The following DLGAP4 variants were observed in gnomAD, a reference collection of about 807,000 sequenced individuals.
DLGAP4 encodes the protein DLG associated protein 4, also known as disks large-associated protein 4.
A neutral mutation model predicts 86.9 loss-of-function variants in DLGAP4; 18 were observed. The ratio of observed to expected loss-of-function variants is 0.21; its 90% CI spans 0.14 to 0.31. DLGAP4 has a LOEUF of 0.31. DLGAP4 is among the 10% of genes least tolerant of loss of function. The pLI is 1.00. For synonymous variants in DLGAP4, 548 were observed against 574.3 expected (o/e 0.95, Z 0.65); for missense variants, 1,085 against 1,362.6 (o/e 0.80, Z 3.21).
At chr20:36,449,199 T>C (rs2033672594) in intron 7 of DLGAP4, among the ~76,000 whole-genome samples, 1 of 152,154 alleles carries the variant, frequency 6.6e-6, no homozygotes, top group Non-Finnish European at 1.5e-5. Context: ...TTCACCTCAC[T>C]GTTTCTTATT....
chr20:36,411,876 C>T (rs765416744), intron 2 of DLGAP4, among the ~76,000 whole-genome samples: 11 of 152,180 alleles, frequency 7.2e-5, no homozygotes, highest in African/African-American at 2.7e-4. Flanking sequence ...TTCCCTGTAC[C>T]TTTGTCTGTG....
intron 1 of DLGAP4, among the ~76,000 whole-genome samples, chr20:36,321,315 C>T (rs1425051744): frequency 2.6e-5 from 4 of 152,214 alleles, no homozygotes; most frequent in African/African-American, 9.6e-5. Flanking sequence ...GAATAGGGAG[C>T]AAGAAGACGG....
intron 7 of DLGAP4, among the ~76,000 whole-genome samples, chr20:36,488,766 C>A (rs112377495): frequency 6.6e-6 from 1 of 151,980 alleles, no homozygotes; most frequent in Middle Eastern, 3.2e-3. Context: ...TCAGTAGAGA[C>A]GGGGTTTTGC....
intron 7 of DLGAP4, among the ~76,000 whole-genome samples, chr20:36,468,552 C>T (rs1203737246): frequency 6.6e-6 from 1 of 152,266 alleles, no homozygotes; most frequent in Non-Finnish European, 1.5e-5. Context: ...GTGCAGCCCA[C>T]ACTCCTCTGA....
At chr20:36,324,627 A>G (rs1019409685) in intron 1 of DLGAP4, among the ~76,000 whole-genome samples, 6 of 152,230 alleles carry the variant, frequency 3.9e-5, no homozygotes, top group African/African-American at 1.4e-4. Context: ...TCGAAAATCA[A>G]TTAACCATAA....
intron 7 of DLGAP4, among the ~76,000 whole-genome samples, chr20:36,465,525 C>T (rs935407350): frequency 1.3e-5 from 2 of 152,200 alleles, no homozygotes; most frequent in African/African-American, 2.4e-5. Context: ...CCCCTCAGGC[C>T]GCCTTCCCTG....
chr20:36,474,341 G>C (rs2034812931), intron 7 of DLGAP4, among the ~76,000 whole-genome samples: 1 of 152,126 alleles, frequency 6.6e-6, no homozygotes, highest in Non-Finnish European at 1.5e-5. Context: ...AGGGGAAGAA[G>C]GGCAGACTGT....
chr20:36,525,243 AAAAAAAAAAAAC>A lies in DLGAP4; in HGVS notation c.2605-604_2605-593del, dbSNP rs570112217. On this transcript the variant is annotated intron_variant, in intron 11 of 12. Transcript: ENST00000339266. Reference sequence around the variant, plus strand: ...AAAAAAAAAAAAAAAAAAAAAAAAAAAAAAAAAAAAACAAAGAAATCCCACTGCTGGGATTGG... The same window carrying A: ...AAAAAAAAAAAAAAAAAAAAAAAAAAAAAGAAATCCCACTGCTGGGATTGG... Among the ~76,000 whole-genome samples, 830 of 83,516 alleles carry A rather than the reference AAAAAAAAAAAAC, an allele frequency of 9.9e-3. 101 individuals are homozygous for A. The highest frequency in any genetic ancestry group is 0.02 in the South Asian group (51 of 2,602). The allele number at this position is 83,516 out of a possible 152,430, so 54.8% of individuals were successfully genotyped here.
chr20:36,311,436 A>G (rs1453768047), intron 1 of DLGAP4, among the ~76,000 whole-genome samples: 3 of 152,094 alleles, frequency 2.0e-5, no homozygotes, highest in Non-Finnish European at 4.4e-5. Context: ...CCCAAAATGA[A>G]TGGAAGCACA....
chr20:36,334,363 T>C (rs963564244), intron 1 of DLGAP4, among the ~76,000 whole-genome samples: 5 of 151,750 alleles, frequency 3.3e-5, no homozygotes, highest in Non-Finnish European at 7.4e-5. Flanking sequence ...GGCCACGAGG[T>C]GAGAGAATCT....
chr20:36,384,754 G>C (rs999455201), intron 2 of DLGAP4, among the ~76,000 whole-genome samples: 2 of 152,188 alleles, frequency 1.3e-5, no homozygotes, highest in African/African-American at 4.8e-5. Context: ...TCTGAGGTTT[G>C]AGCCAGAAAG....
At chr20:36,363,328 G>A (rs2030581665) in intron 1 of DLGAP4, among the ~76,000 whole-genome samples, 1 of 152,192 alleles carries the variant, frequency 6.6e-6, no homozygotes, top group South Asian at 2.1e-4. Context: ...GAGGCCATGG[G>A]GAGTGTGGAG....
chr20:36,487,066 G>A (rs141922312), intron 7 of DLGAP4, among the ~76,000 whole-genome samples: 2 of 152,288 alleles, frequency 1.3e-5, no homozygotes, highest in South Asian at 2.1e-4. Context: ...GTGGAGAGAC[G>A]CTGGTCTCTG....
At chr20:36,486,857 C>T (rs1489308568) in intron 7 of DLGAP4, among the ~76,000 whole-genome samples, 3 of 151,532 alleles carry the variant, frequency 2.0e-5, no homozygotes, top group Non-Finnish European at 2.9e-5. Context: ...GGTGATCCGC[C>T]CGCGTCAGCC....
chr20:36,526,987 G>A lies in DLGAP4; in HGVS notation c.2935G>A (p.Asp979Asn). The A allele has an allele frequency of 6.2e-7, 1 of 1,612,312 alleles. No individual in the cohort carries two copies. The change falls in exon 13 of 13, where the codon GAC becomes AAC. Residue 979 changes from aspartate (D) to asparagine (N), a missense_variant. Asp to Asn is a conservative substitution (Grantham distance 23). Coordinates refer to ENST00000339266, the MANE Select transcript of DLGAP4 (RefSeq NM_001365621.2). ...VRQNSATESA[D>N]SIEIYVPEAQ... Reference sequence around the variant, plus strand: ...GCAGAACTCAGCCACCGAGAGCGCAGACAGCATCGAGATTTATGTCCCGGA... The same window carrying A: ...GCAGAACTCAGCCACCGAGAGCGCAAACAGCATCGAGATTTATGTCCCGGA...
At chr20:36,486,906 C>A (rs1236702794) in intron 7 of DLGAP4, among the ~76,000 whole-genome samples, 1 of 148,698 alleles carries the variant, frequency 6.7e-6, no homozygotes, top group Non-Finnish European at 1.5e-5. Context: ...GCCACCTCAC[C>A]CGGCCTGGAA....
chr20:36,362,545 C>T (rs577582189), intron 1 of DLGAP4, among the ~76,000 whole-genome samples: 69 of 152,150 alleles, frequency 4.5e-4, no homozygotes, highest in African/African-American at 1.5e-3. Flanking sequence ...GTCACATCTG[C>T]GACAAGGAAG....
At chr20:36,309,159 A>G (rs928390459) in intron 1 of DLGAP4, among the ~76,000 whole-genome samples, 1 of 152,066 alleles carries the variant, frequency 6.6e-6, no homozygotes, top group Non-Finnish European at 1.5e-5. Context: ...CTCATCACCC[A>G]AGCTTAAGCA....
intron 7 of DLGAP4, among the ~76,000 whole-genome samples, chr20:36,487,335 G>A (rs2035461844): frequency 6.6e-6 from 1 of 152,156 alleles, no homozygotes; most frequent in Non-Finnish European, 1.5e-5. Context: ...CCTCCTAACT[G>A]CTTTCAGTGC....
Sources: allele counts gnomAD v4.1 joint callset (sites outside exome capture counted in the v4.1 genomes callset), GRCh38; gene constraint gnomAD v4.1.1; transcripts MANE v1.5; gene names NCBI Gene and HGNC (gene_info 2026-07-23, HGNC 2026-07-21).